Variants in TSHR observed in about 807,000 individuals in gnomAD.
The protein encoded by TSHR is thyrotropin receptor.
In TSHR, 51 loss-of-function variants were observed where a neutral mutation model predicts 64.1. The ratio of observed to expected loss-of-function variants is 0.80; its 90% CI spans 0.64 to 1.01. TSHR has a LOEUF of 1.01. Among genes scored for constraint, TSHR ranks in the 50% least tolerant of loss-of-function variants. The probability of loss-of-function intolerance (pLI) is 0.00; values close to 1 mark genes in which losing one functional copy is unlikely to be tolerated. For synonymous variants in TSHR, 361 were observed against 361.9 expected (o/e 1.00, Z 0.03); for missense variants, 877 against 942.8 (o/e 0.93, Z 0.91).
intron 1 of TSHR, among the ~76,000 whole-genome samples, chr14:80,962,351 C>G (rs1483940613): frequency 1.3e-5 from 2 of 152,166 alleles, no homozygotes; most frequent in Admixed American, 1.3e-4. Context: ...AATTTACTCT[C>G]TCACAGTTCT....
chr14:80,987,631 G>A (rs993008362), intron 1 of TSHR, among the ~76,000 whole-genome samples: 6 of 152,140 alleles, frequency 3.9e-5, no homozygotes, highest in Non-Finnish European at 1.5e-5. Flanking sequence ...CTGGTAGCTG[G>A]CAGACTAGCT....
chr14:81,065,782 T>C (rs1330366018), intron 2 of TSHR, among the ~76,000 whole-genome samples: 2 of 152,182 alleles, frequency 1.3e-5, no homozygotes, highest in African/African-American at 2.4e-5. Context: ...TAAAAGCACA[T>C]ACACATACCT....
intron 6 of TSHR, chr14:81,095,600 G>A (rs1889118630): frequency 6.6e-6 from 1 of 152,068 alleles, no homozygotes; most frequent in Non-Finnish European, 1.5e-5. Flanking sequence ...TGAAGTCAGG[G>A]ATCCTAAGTC....
At chr14:80,978,989 AT>A in intron 1 of TSHR, among the ~76,000 whole-genome samples, 1 of 152,318 alleles carries the variant, frequency 6.6e-6, no homozygotes, top group Middle Eastern at 3.4e-3. Context: ...CACTAAACTT[AT>A]TTCATCCAAT....
At chr14:80,956,972 G>T (rs559341299) in intron 1 of TSHR, among the ~76,000 whole-genome samples, 1 of 152,264 alleles carries the variant, frequency 6.6e-6, no homozygotes, top group South Asian at 2.1e-4. Context: ...TACATAGGTT[G>T]CTTGTCACCT....
intron 8 of TSHR, among the ~76,000 whole-genome samples, chr14:81,130,434 T>C (rs1191035063): frequency 6.6e-6 from 1 of 152,220 alleles, no homozygotes; most frequent in Non-Finnish European, 1.5e-5. Flanking sequence ...TATTCTTCTT[T>C]TGGCTTCCAA....
intron 1 of TSHR, among the ~76,000 whole-genome samples, chr14:81,044,912 G>A (rs995797896): frequency 3.3e-5 from 5 of 152,112 alleles, no homozygotes; most frequent in Non-Finnish European, 5.9e-5. Flanking sequence ...TATACCCAAA[G>A]TAGTATAAAT....
intron 8 of TSHR, among the ~76,000 whole-genome samples, chr14:81,118,451 T>G (rs1348803251): frequency 3.5e-5 from 5 of 142,398 alleles, no homozygotes; most frequent in Non-Finnish European, 7.5e-5. Flanking sequence ...ATAAAATACC[T>G]AGGAATCCAA....
intron 1 of TSHR, among the ~76,000 whole-genome samples, chr14:80,995,850 A>G (rs1195446631): frequency 1.4e-5 from 2 of 148,090 alleles, no homozygotes; most frequent in Non-Finnish European, 3.0e-5. Flanking sequence ...AAAAAAAAAA[A>G]GAATAAAGGG....
intron 1 of TSHR, among the ~76,000 whole-genome samples, chr14:81,037,890 AC>A (rs1884727183): frequency 6.7e-6 from 1 of 149,484 alleles, no homozygotes; most frequent in Non-Finnish European, 1.5e-5. Flanking sequence ...AGATTTCAAC[AC>A]CCTACTTTCA....
intron 8 of TSHR, among the ~76,000 whole-genome samples, chr14:81,118,878 T>C (rs914942913): frequency 1.1e-4 from 17 of 149,550 alleles, no homozygotes; most frequent in Non-Finnish European, 2.2e-4. Flanking sequence ...ATGCCGCATG[T>C]CTACAACTAT....
rs576159044 is a variant in TSHR at position 81,099,129 on chromosome 14, T to C, written c.614+2422T>C. ...AGACATTCTGGATGTAGCAGGATCA[T>C]GGGGATTTAAAACTCTCTCCAAGTG... On this transcript the variant is annotated intron_variant, in intron 7 of 9. Transcript: ENST00000298171. 3.9e-5 allele frequency among the ~76,000 whole-genome samples: 6 copies of C among 152,290 alleles called. No individual in the cohort carries two copies. The East Asian group carries it at 1.2e-3, about 29-fold the overall frequency.
intron 1 of TSHR, chr14:80,983,183 AAGAC>A: frequency 1.8e-6 from 2 of 1,132,070 alleles, no homozygotes; most frequent in South Asian, 3.8e-5. Flanking sequence ...CTGGGGATGA[AAGAC>A]AATGCAAAAT....
chr14:81,009,499 CT>C (rs1376563152), intron 1 of TSHR, among the ~76,000 whole-genome samples: 1 of 152,146 alleles, frequency 6.6e-6, no homozygotes. Context: ...TGTTCATTCT[CT>C]TTCTTCCTCA....
intron 1 of TSHR, among the ~76,000 whole-genome samples, chr14:81,022,744 C>T (rs1334925073): frequency 2.6e-5 from 4 of 151,930 alleles, no homozygotes; most frequent in Admixed American, 2.0e-4. Flanking sequence ...TCGCTTGAAC[C>T]CGGGAGGCAG....
chr14:81,053,788 A>T (rs1355329690), intron 1 of TSHR: 1 of 152,244 alleles, frequency 6.6e-6, no homozygotes. Context: ...CTTTCTTCAT[A>T]ATAGCCCCAA....
In TSHR at chr14:81,143,666, G is replaced by A. The variant is rs2140111877; in HGVS notation, c.1608G>A (p.Arg536=). ...GCCTGGACCGGAAGATCCGCCTCAG[G>A]CACGCATGTGCCATCATGGTTGGGG... ...AMRLDRKIRL[R]HACAIMVGGW... is the part of the protein sequence containing the mutation. Residue 536 remains arginine, a synonymous_variant, in exon 10 of 10, where the codon AGG becomes AGA. Transcript: ENST00000298171. 6.2e-7 allele frequency: 1 copy of A among 1,614,166 alleles called. No homozygotes were observed. The highest frequency in any genetic ancestry group is 8.5e-7 in the Non-Finnish European group (1 of 1,180,046).
At chr14:81,010,527 A>AT (rs969522108) in intron 1 of TSHR, among the ~76,000 whole-genome samples, 1 of 151,628 alleles carries the variant, frequency 6.6e-6, no homozygotes, top group Non-Finnish European at 1.5e-5. Flanking sequence ...TTTCTAAATG[A>AT]TTTTTTGCTG....
At chr14:81,035,580 A>G (rs1884581026) in intron 1 of TSHR, among the ~76,000 whole-genome samples, 1 of 152,218 alleles carries the variant, frequency 6.6e-6, no homozygotes. Flanking sequence ...TGGAAATTAG[A>G]ACAATGAACT....
Sources: allele counts gnomAD v4.1 joint callset (sites outside exome capture counted in the v4.1 genomes callset), GRCh38; gene constraint gnomAD v4.1.1; transcripts MANE v1.5; gene names NCBI Gene and HGNC (gene_info 2026-07-23, HGNC 2026-07-21).